The following NBAS variants were observed in gnomAD, a reference collection of about 807,000 sequenced individuals.
NBAS encodes the protein NAG/BC035112 fusion.
NBAS carries 219 observed loss-of-function variants against 302.5 expected under a neutral mutation model. The ratio of observed to expected loss-of-function variants is 0.72; its 90% confidence interval spans 0.65 to 0.81. The LOEUF (loss-of-function observed/expected upper bound fraction) is 0.81. NBAS is among the 30% of genes least tolerant of loss of function. The pLI, the probability that NBAS is intolerant of heterozygous loss-of-function variation, is 0.00. For missense variants in NBAS, 2,932 were observed against 2,841.6 expected (o/e 1.03, Z -0.72); for synonymous variants, 1,118 against 1,021.6 (o/e 1.09, Z -1.80).
chr2:15,442,905 G>T (rs1036414439), intron 21 of NBAS, among the ~76,000 whole-genome samples: 3 of 152,188 alleles, frequency 2.0e-5, no homozygotes, highest in Admixed American at 6.5e-5. Context: ...AAATCTAGAA[G>T]AAATGGATAA....
chr2:15,023,729 T>C, the NBAS span, among the ~76,000 whole-genome samples: 2 of 151,362 alleles, frequency 1.3e-5, no homozygotes, highest in African/African-American at 4.9e-5. Flanking sequence ...TTTCTCTAAG[T>C]TGAAAATGTA....
At chr2:15,107,462 T>C in the NBAS span, among the ~76,000 whole-genome samples, 2 of 152,048 alleles carry the variant, frequency 1.3e-5, no homozygotes, top group South Asian at 2.1e-4. Flanking sequence ...GTAGCAGATA[T>C]TGAAAGTTGG....
At chr2:15,030,399 A>G in the NBAS span, among the ~76,000 whole-genome samples, 1,887 of 152,260 alleles carry the variant, frequency 0.012, 41 homozygotes, top group African/African-American at 0.044. Flanking sequence ...TCAGCAGGAG[A>G]ATGACTGGTA....
chr2:15,307,669 T>C (rs1043553178), intron 40 of NBAS, among the ~76,000 whole-genome samples: 2 of 152,234 alleles, frequency 1.3e-5, no homozygotes, highest in African/African-American at 4.8e-5. Flanking sequence ...AAGGCACATG[T>C]AACTTGAGGC....
At chr2:15,455,496 CCAGTAAGAAGTTTAAAG>C (rs1679209553) in intron 21 of NBAS, among the ~76,000 whole-genome samples, 1 of 151,890 alleles carries the variant, frequency 6.6e-6, no homozygotes, top group Admixed American at 6.6e-5. Context: ...TGTACATATT[CCAGTAAGAAGTTTAAAG>C]CAATAAGTAT....
chr2:15,267,394 C>T (rs1171311099), intron 44 of NBAS, among the ~76,000 whole-genome samples: 1 of 150,026 alleles, frequency 6.7e-6, no homozygotes, highest in Admixed American at 6.6e-5. Flanking sequence ...TTATTTTGAT[C>T]AAAAAAAAAG....
At chr2:15,050,111 C>G in the NBAS span, among the ~76,000 whole-genome samples, 1 of 152,180 alleles carries the variant, frequency 6.6e-6, no homozygotes, top group South Asian at 2.1e-4. Context: ...AGAAATCTAG[C>G]TTTCTTCAAC....
At chr2:14,980,181 A>C in the NBAS span, among the ~76,000 whole-genome samples, 1 of 152,126 alleles carries the variant, frequency 6.6e-6, no homozygotes, top group Non-Finnish European at 1.5e-5. Flanking sequence ...GCAAAAGCAC[A>C]TGGATGTACA....
At chr2:15,532,954 A>T (rs62120662) in intron 9 of NBAS, among the ~76,000 whole-genome samples, 4,922 of 152,288 alleles carry the variant, frequency 0.032, 129 homozygotes, top group Non-Finnish European at 0.048. Flanking sequence ...TATCAAAAGA[A>T]AAGAAACAAA....
At chr2:15,410,135 T>C (rs1676611531) in intron 25 of NBAS, among the ~76,000 whole-genome samples, 1 of 152,248 alleles carries the variant, frequency 6.6e-6, no homozygotes, top group Admixed American at 6.5e-5. Flanking sequence ...CTATTCTACA[T>C]TATTGACAAT....
chr2:15,559,812 T>C (rs969495931), intron 1 of NBAS, among the ~76,000 whole-genome samples: 9 of 152,248 alleles, frequency 5.9e-5, no homozygotes, highest in African/African-American at 2.2e-4. Context: ...CAATTTATGG[T>C]AAGCATTCTG....
At chr2:15,554,659 T>G (rs867387440) in intron 3 of NBAS, among the ~76,000 whole-genome samples, 6 of 138,668 alleles carry the variant, frequency 4.3e-5, no homozygotes, top group Middle Eastern at 3.8e-3. Context: ...AGGACAGGAG[T>G]TGGAAGTGAG....
At chr2:15,273,507 G>GC (rs1669425822) in intron 44 of NBAS, among the ~76,000 whole-genome samples, 1 of 152,190 alleles carries the variant, frequency 6.6e-6, no homozygotes, top group South Asian at 2.1e-4. Flanking sequence ...AAGAGAAAAG[G>GC]CCAGGGGATA....
At chr2:15,137,986 A>G in the NBAS span, among the ~76,000 whole-genome samples, 1 of 152,080 alleles carries the variant, frequency 6.6e-6, no homozygotes, top group African/African-American at 2.4e-5. Context: ...AATCAGTCTC[A>G]GGGCCCAGTT....
At chr2:15,131,638 C>T in the NBAS span, among the ~76,000 whole-genome samples, 10 of 151,974 alleles carry the variant, frequency 6.6e-5, no homozygotes, top group African/African-American at 1.9e-4. Flanking sequence ...GGTACATGTG[C>T]ACAAGGCTAA....
chr2:15,017,768 A>G, the NBAS span, among the ~76,000 whole-genome samples: 1 of 152,184 alleles, frequency 6.6e-6, no homozygotes, highest in South Asian at 2.1e-4. Context: ...AAATAGAACT[A>G]CCATATGATC....
At chr2:15,079,114 C>T in the NBAS span, among the ~76,000 whole-genome samples, 1 of 152,094 alleles carries the variant, frequency 6.6e-6, no homozygotes, top group African/African-American at 2.4e-5. Context: ...AGAATCCTCT[C>T]CAAATCCTGG....
the NBAS span, among the ~76,000 whole-genome samples, chr2:14,880,020 A>C: frequency 2.0e-5 from 3 of 152,228 alleles, no homozygotes; most frequent in African/African-American, 4.8e-5. Context: ...GTTCTGGAGC[A>C]GAAGGAGCCA....
chr2:15,021,232 C>A, the NBAS span, among the ~76,000 whole-genome samples: 1 of 151,270 alleles, frequency 6.6e-6, no homozygotes, highest in Non-Finnish European at 1.5e-5. Context: ...GACCCTGAGA[C>A]CTTGTCTAAA....
Sources: allele counts gnomAD v4.1 joint callset (sites outside exome capture counted in the v4.1 genomes callset), GRCh38; gene constraint gnomAD v4.1.1; transcripts MANE v1.5; gene names NCBI Gene and HGNC (gene_info 2026-07-23, HGNC 2026-07-21).